The following ABCC9 variants were observed in gnomAD, a reference collection of about 807,000 sequenced individuals.
ABCC9 encodes ATP binding cassette subfamily C member 9, also known as ATP-binding cassette sub-family C member 9.
In ABCC9, 95 loss-of-function variants were observed where a neutral mutation model predicts 188.3. The ratio of observed to expected loss-of-function variants is 0.50; its 90% CI spans 0.43 to 0.60. ABCC9 has a LOEUF of 0.60. Among genes scored for constraint, ABCC9 ranks in the 20% least tolerant of loss-of-function variants. ABCC9 has a pLI of 0.00. For missense variants in ABCC9, 1,102 were observed against 1,876.3 expected (o/e 0.59, Z 7.62); for synonymous variants, 659 against 652.7 (o/e 1.01, Z -0.15).
At chr12:21,910,779 T>G (rs763962967) in intron 9 of ABCC9, 47 bp downstream of exon 9, 3 of 1,534,674 alleles carry the variant, frequency 2.0e-6, no homozygotes, top group African/African-American at 2.7e-5. Context: ...CACTGAATGG[T>G]ATATAGCATT....
chr12:21,907,098 C>T (rs1948082515), intron 11 of ABCC9, among the ~76,000 whole-genome samples: 1 of 151,992 alleles, frequency 6.6e-6, no homozygotes, highest in African/African-American at 2.4e-5. Flanking sequence ...AATGTTTTGT[C>T]TTTACAGGGT....
At chr12:21,907,236 T>TAATTG (rs1220778709) in intron 11 of ABCC9, among the ~76,000 whole-genome samples, 3 of 152,028 alleles carry the variant, frequency 2.0e-5, no homozygotes, top group Non-Finnish European at 2.9e-5. Context: ...TCTGTATTTG[T>TAATTG]GTGCTGGAGT....
chr12:21,906,586 T>C (rs990656026), intron 11 of ABCC9, among the ~76,000 whole-genome samples: 6 of 152,156 alleles, frequency 3.9e-5, no homozygotes, highest in Admixed American at 2.0e-4. Flanking sequence ...CCTTGAATCA[T>C]GTCTGCAGAT....
At chr12:21,807,307 C>T in intron 38 of ABCC9, 39 bp downstream of exon 38, 1 of 1,613,366 alleles carries the variant, frequency 6.2e-7, no homozygotes, top group Middle Eastern at 1.7e-4. Context: ...GCACATTTCT[C>T]CAATTCGTCA....
intron 10 of ABCC9, among the ~76,000 whole-genome samples, chr12:21,909,849 T>C (rs1162200214): frequency 6.6e-6 from 1 of 151,894 alleles, no homozygotes; most frequent in Non-Finnish European, 1.5e-5. Context: ...CCTTGACAAT[T>C]CCCACAACTT....
At chr12:21,861,342 C>T (rs930274775) in intron 20 of ABCC9, among the ~76,000 whole-genome samples, 8 of 151,826 alleles carry the variant, frequency 5.3e-5, no homozygotes, top group Admixed American at 6.6e-5. Flanking sequence ...GTGATTCTCC[C>T]GCCTCAGCCT....
In ABCC9 at chr12:21,903,489, T is replaced by G. The variant is rs952905717; in HGVS notation, c.1618+2637A>C. Among the ~76,000 whole-genome samples, 5 of 152,244 alleles carry G rather than the reference T, an allele frequency of 3.3e-5. No individual in the cohort carries two copies. In the South Asian group the frequency reaches 1.0e-3, roughly 32 times the overall value. On this transcript the variant is annotated intron_variant, in intron 12 of 39. Transcript: ENST00000261200. Reference sequence around the variant, plus strand: ...CAACTAGGAAAAGAGGAAGTCAAATTATCCCTGTTTGCAGATGACATGATT... The same window carrying G: ...CAACTAGGAAAAGAGGAAGTCAAATGATCCCTGTTTGCAGATGACATGATT...
chr12:21,882,729 T>C, intron 16 of ABCC9, 37 bp downstream of exon 16: 1 of 1,507,852 alleles, frequency 6.6e-7, no homozygotes, highest in East Asian at 2.3e-5. Flanking sequence ...AACATAAATG[T>C]TTCTATTCAT....
chr12:21,924,163 T>C (rs1948956406), intron 5 of ABCC9: 4 of 251,050 alleles, frequency 1.6e-5, no homozygotes, highest in East Asian at 7.3e-5. Flanking sequence ...TAGTGTTATA[T>C]AGGTACATGC....
At position 21,806,070 on chromosome 12, in the gene ABCC9, A is replaced by G; in HGVS notation, c.4450-10T>C. ...TTTGCAAAATATTCTCCTGCAAAAA[A>G]AAAAAAGTGTAAATTTTCTCGGGAT... is the stretch of plus-strand genomic sequence containing the variant. On this transcript the variant is annotated splice_polypyrimidine_tract_variant and intron_variant, in intron 38 of 39. Transcript: ENST00000261200. 1.9e-6 allele frequency: 3 copies of G among 1,612,704 alleles called. No individual in the cohort carries two copies. The highest frequency in any genetic ancestry group is 2.5e-6 in the Non-Finnish European group (3 of 1,179,288).
At chr12:21,847,142 T>C (rs1242736383) in intron 25 of ABCC9, among the ~76,000 whole-genome samples, 2 of 152,132 alleles carry the variant, frequency 1.3e-5, no homozygotes, top group South Asian at 2.1e-4. Context: ...CAAAGTGCTA[T>C]TACCTTATTT....
intron 12 of ABCC9, among the ~76,000 whole-genome samples, chr12:21,898,903 G>A (rs930387876): frequency 1.7e-4 from 26 of 152,258 alleles, no homozygotes; most frequent in African/African-American, 2.6e-4. Flanking sequence ...TTATGTGAAC[G>A]AAGTTTGGCT....
At chr12:21,925,589 C>A (rs891342462) in intron 5 of ABCC9, 42 of 691,676 alleles carry the variant, frequency 6.1e-5, no homozygotes, top group Non-Finnish European at 1.1e-4. Context: ...CACAGGGCAG[C>A]ATGGTGCCGC....
intron 6 of ABCC9, among the ~76,000 whole-genome samples, chr12:21,916,722 A>C (rs1435918771): frequency 6.6e-6 from 1 of 152,202 alleles, no homozygotes; most frequent in African/African-American, 2.4e-5. Flanking sequence ...TTGATCAATC[A>C]ATATTTGTGA....
At chr12:21,854,520 T>G (rs1945124974) in intron 22 of ABCC9, among the ~76,000 whole-genome samples, 1 of 152,222 alleles carries the variant, frequency 6.6e-6, no homozygotes, top group African/African-American at 2.4e-5. Flanking sequence ...TTGATTGTCC[T>G]GAAATTTCTT....
chr12:21,880,668 TAC>T, intron 16 of ABCC9, among the ~76,000 whole-genome samples: 1 of 152,190 alleles, frequency 6.6e-6, no homozygotes, highest in Non-Finnish European at 1.5e-5. Context: ...CACAGCAAGA[TAC>T]AGTTACACCT....
At chr12:21,931,292 A>T in intron 4 of ABCC9, among the ~76,000 whole-genome samples, 1 of 151,976 alleles carries the variant, frequency 6.6e-6, no homozygotes, top group East Asian at 1.9e-4. Flanking sequence ...TCCTGCCACC[A>T]TATGAAGAAG....
At chr12:21,917,876 T>A (rs1948664634) in intron 5 of ABCC9, among the ~76,000 whole-genome samples, 3 of 152,074 alleles carry the variant, frequency 2.0e-5, no homozygotes, top group Non-Finnish European at 4.4e-5. Flanking sequence ...AAAGAAGAAA[T>A]CTAAGACACA....
At chr12:21,803,480 ACCC>A (rs1465189080) in intron 39 of ABCC9, among the ~76,000 whole-genome samples, 1 of 151,726 alleles carries the variant, frequency 6.6e-6, no homozygotes, top group Admixed American at 6.6e-5. Context: ...AAATGAAGAA[ACCC>A]CATCTCTACT....
Sources: gnomAD v4.1 joint callset for allele counts (sites outside exome capture counted in the v4.1 genomes callset) on GRCh38, gnomAD v4.1.1 for gene constraint, MANE v1.5 for transcripts, NCBI Gene and HGNC (gene_info 2026-07-23, HGNC 2026-07-21) for gene names.